The following CFAP20DC variants were observed in gnomAD, a reference collection of about 807,000 sequenced individuals.
CFAP20DC encodes protein CFAP20DC.
A neutral mutation model predicts 101.7 loss-of-function variants in CFAP20DC; 84 were observed. That is an observed-to-expected ratio of 0.83 (90% CI 0.69 to 0.99). The LOEUF (loss-of-function observed/expected upper bound fraction) is 0.99, where lower values mean the gene tolerates loss of function less well. CFAP20DC is among the 50% of genes least tolerant of loss of function. The pLI is 0.00. For synonymous variants in CFAP20DC, 359 were observed against 351.2 expected (o/e 1.02, Z -0.25); for missense variants, 1,007 against 970.3 (o/e 1.04, Z -0.50).
In CFAP20DC at chr3:58,742,490, G is replaced by T; in HGVS notation, c.2415C>A (p.Pro805=). ...CCAACTCATAGTATTTCCCTGTTTG[G>T]GGGTCAAAGTAACAGTTCAGACAAG... The part of the protein sequence containing the change: ...YDPCLNCYFD[P]QTGKYYELV The change falls in exon 17 of 17, where the codon CCC becomes CCA. Residue 805 remains proline, a synonymous_variant. Transcript: ENST00000482387. 6.2e-7 allele frequency: 1 copy of T among 1,606,794 alleles called. No homozygotes were observed. Among genetic ancestry groups the T allele is most frequent in the South Asian group, 1.1e-5 (1 of 89,528 alleles).
At chr3:58,836,763 T>A (rs1169508549) in intron 13 of CFAP20DC, among the ~76,000 whole-genome samples, 3 of 150,340 alleles carry the variant, frequency 2.0e-5, no homozygotes, top group African/African-American at 4.9e-5. Flanking sequence ...CCTCTGTATT[T>A]AAAAAAAAAA....
rs556616370 is a variant in CFAP20DC at position 59,025,979 on chromosome 3, G to A, written c.278+13578C>T. Among the ~76,000 whole-genome samples, 4 of 152,032 alleles carry A rather than the reference G, an allele frequency of 2.6e-5. No individual in the cohort carries two copies. The South Asian group carries it at 6.2e-4, about 24-fold the overall frequency. The stretch of plus-strand genomic sequence containing the variant: ...ATAAACATATGTTTAATAGATAAAG[G>A]ATATGCAGCTGATTTATATACCTAC... On this transcript the variant is annotated intron_variant, in intron 4 of 16. Transcript: ENST00000482387.
chr3:58,886,968 T>C (rs2081689153), intron 6 of CFAP20DC, among the ~76,000 whole-genome samples: 1 of 152,184 alleles, frequency 6.6e-6, no homozygotes, highest in African/African-American at 2.4e-5. Context: ...AACTTCCTTA[T>C]GTACAATTCT....
intron 15 of CFAP20DC, among the ~76,000 whole-genome samples, chr3:58,766,522 C>T (rs1212956820): frequency 6.6e-6 from 1 of 152,186 alleles, no homozygotes; most frequent in Non-Finnish European, 1.5e-5. Flanking sequence ...CTTCATTTCT[C>T]CTCTGTTCTC....
At chr3:58,734,893 T>C (rs2067716432) in intron 3 of CFAP20DC, among the ~76,000 whole-genome samples, 1 of 152,076 alleles carries the variant, frequency 6.6e-6, no homozygotes, top group African/African-American at 2.4e-5. Flanking sequence ...TTCCTAGTGC[T>C]CTCCCATCAT....
chr3:58,976,278 G>C (rs1050734189), intron 4 of CFAP20DC, among the ~76,000 whole-genome samples: 75 of 152,320 alleles, frequency 4.9e-4, no homozygotes, highest in African/African-American at 1.7e-3. Context: ...AGGCAAAAGT[G>C]AAAGTAAAGG....
chr3:58,990,432 G>A (rs974953287), intron 4 of CFAP20DC, among the ~76,000 whole-genome samples: 1 of 152,134 alleles, frequency 6.6e-6, no homozygotes, highest in Non-Finnish European at 1.5e-5. Flanking sequence ...TGCTGCTGAG[G>A]AGTTCTTTGA....
Position 59,047,246 on chromosome 3 carries a change from T to A in CFAP20DC, c.30A>T (p.Ala10=), listed in dbSNP as rs953563368. The stretch of plus-strand genomic sequence containing the variant: ...CTTGAGCACTGAAAATTTCAACAAA[T>A]GCACCTCCCTAGAAAATGAAAATAA... The part of the protein sequence containing the change: MFKNEYQGG[A]FVEIFSAQGK... Residue 10 remains alanine, a synonymous_variant, in exon 2 of 17, where the codon GCA becomes GCT. Coordinates refer to ENST00000482387, the MANE Select transcript of CFAP20DC (RefSeq NM_001394063.1). 2.0e-6 allele frequency: 3 copies of A among 1,530,620 alleles called. No homozygotes were observed. In the East Asian group the frequency reaches 7.3e-5, roughly 37 times the overall value. 94.8% of individuals were successfully genotyped at this position (1,530,620 alleles called of 1,614,324 possible).
rs1219254195 is a variant in CFAP20DC, at chr3:58,724,743, A to G, written c.198-7115T>C. ...TTTTGCAACTGGCCCCCTGGCTCCC[A>G]CCTTTATGAACTCTTAACCTGTCTC... On this transcript the variant is annotated intron_variant, in intron 3 of 3. Coordinates refer to the CFAP20DC transcript ENST00000486145. The surrounding 1 kb of genome is among the most constrained non-coding windows in gnomAD (Gnocchi z 5.6). 6.6e-6 allele frequency among the ~76,000 whole-genome samples: 1 copy of G among 152,094 alleles called. No individual in the cohort carries two copies. The highest frequency in any genetic ancestry group is 6.6e-5 in the Admixed American group (1 of 15,260).
rs1399024798 is a variant in CFAP20DC at position 58,971,704 on chromosome 3, G to A, written c.279-33942C>T. On this transcript the variant is annotated intron_variant, in intron 4 of 16. Transcript: ENST00000482387. The surrounding 1 kb of genome is among the most constrained non-coding windows in gnomAD (Gnocchi z 4.1). ...CTAGCCATGCAATGGTATATATAGC[G>A]CTATTAAAAAGAGTGAGACAGATTT... Among the ~76,000 whole-genome samples the A allele has an allele frequency of 3.3e-5, 5 of 152,010 alleles. No individual in the cohort carries two copies. Among genetic ancestry groups the A allele is most frequent in the Admixed American group, 1.3e-4 (2 of 15,220 alleles).
intron 4 of CFAP20DC, among the ~76,000 whole-genome samples, chr3:58,948,496 T>C (rs553566913): frequency 1.3e-5 from 2 of 152,364 alleles, no homozygotes; most frequent in Non-Finnish European, 2.9e-5. Context: ...GATGCAAATA[T>C]GCACATCTTT....
chr3:58,816,105 C>A (rs1261994038), intron 14 of CFAP20DC, among the ~76,000 whole-genome samples: 1 of 151,678 alleles, frequency 6.6e-6, no homozygotes, highest in African/African-American at 2.4e-5. Flanking sequence ...GACTGGGAAC[C>A]AACCCAAATG....
intron 4 of CFAP20DC, among the ~76,000 whole-genome samples, chr3:58,968,224 C>T (rs914997530): frequency 2.0e-5 from 3 of 152,104 alleles, no homozygotes; most frequent in African/African-American, 7.2e-5. Context: ...TGGATATATA[C>T]CCAGAAATGG....
In CFAP20DC at chr3:58,861,349, C is replaced by T; in HGVS notation, c.1593+2209G>A. 5 of 756,308 alleles carry T rather than the reference C, an allele frequency of 6.6e-6. No homozygotes were observed. The highest frequency in any genetic ancestry group is 8.0e-6 in the Non-Finnish European group (5 of 621,240). The allele number at this position is 756,308 out of a possible 1,614,324, so 46.8% of individuals were successfully genotyped here. The stretch of plus-strand genomic sequence containing the variant: ...TATGTTTTCCTGAAGTATAATTATA[C>T]AAAGATAAGGATGTAACATTCTAAA... On this transcript the variant is annotated intron_variant, in intron 12 of 16. Coordinates refer to ENST00000482387, the MANE Select transcript of CFAP20DC (RefSeq NM_001394063.1). This position sits in a 1 kb window ranked among gnomAD's most constrained non-coding sequence, Gnocchi z 4.0.
intron 14 of CFAP20DC, among the ~76,000 whole-genome samples, chr3:58,829,530 G>A (rs1287151248): frequency 3.3e-5 from 5 of 151,986 alleles, no homozygotes; most frequent in Middle Eastern, 3.2e-3. Context: ...TCCATTTGGC[G>A]GTAGTTCCAA....
chr3:58,839,611 G>A (rs925348277), intron 13 of CFAP20DC, among the ~76,000 whole-genome samples: 3 of 152,146 alleles, frequency 2.0e-5, no homozygotes, highest in African/African-American at 7.2e-5. Flanking sequence ...GAAGATAAAT[G>A]TCTTCAATAA....
intron 4 of CFAP20DC, among the ~76,000 whole-genome samples, chr3:58,959,107 T>G (rs1174479322): frequency 1.3e-5 from 2 of 152,198 alleles, no homozygotes; most frequent in African/African-American, 4.8e-5. Flanking sequence ...TTTTTTCTCT[T>G]TTTTGAGATG....
chr3:58,949,033 G>C (rs576405227), intron 4 of CFAP20DC, among the ~76,000 whole-genome samples: 2 of 152,016 alleles, frequency 1.3e-5, no homozygotes, highest in African/African-American at 4.8e-5. Context: ...TGTATGTGTC[G>C]AGGAATTTAT....
At chr3:58,855,265 T>C (rs1173306141) in intron 12 of CFAP20DC, among the ~76,000 whole-genome samples, 1 of 152,076 alleles carries the variant, frequency 6.6e-6, no homozygotes, top group African/African-American at 2.4e-5. Context: ...ATCAGAGAAA[T>C]GCAACTCAGA....
Sources: allele counts gnomAD v4.1 joint callset (sites outside exome capture counted in the v4.1 genomes callset), GRCh38; gene constraint gnomAD v4.1.1; non-coding constraint Gnocchi (gnomAD v3.1); transcripts MANE v1.5; gene names NCBI Gene and HGNC (gene_info 2026-07-23, HGNC 2026-07-21).